The following SH2D4B variants were observed in gnomAD, a reference collection of about 807,000 sequenced individuals.
SH2D4B encodes SH2 domain-containing protein 4B.
A neutral mutation model predicts 61.5 loss-of-function variants in SH2D4B; 45 were observed. That is an observed-to-expected ratio of 0.73 (90% CI 0.58 to 0.94). SH2D4B has a LOEUF of 0.94. Among genes scored for constraint, SH2D4B ranks in the 40% least tolerant of loss-of-function variants. The probability of loss-of-function intolerance (pLI) is 0.00; values close to 1 mark genes in which losing one functional copy is unlikely to be tolerated. For synonymous variants in SH2D4B, 224 were observed against 220.4 expected, an observed-to-expected ratio of 1.02 and a Z score of -0.14; for missense variants, 572 against 574.2, an observed-to-expected ratio of 1.00 and a Z score of 0.04.
chr10:80,592,099 G>A (rs1842335023), intron 4 of SH2D4B, among the ~76,000 whole-genome samples: 1 of 152,284 alleles, frequency 6.6e-6, no homozygotes, highest in African/African-American at 2.4e-5. Context: ...TGTGTGAAGT[G>A]ACATCTCATC....
chr10:80,588,185 C>T (rs981090910), intron 3 of SH2D4B, among the ~76,000 whole-genome samples: 1 of 152,140 alleles, frequency 6.6e-6, no homozygotes, highest in African/African-American at 2.4e-5. Flanking sequence ...ATCTTCATCT[C>T]CCTAACTGAC....
At chr10:80,624,827 C>T (rs1309822622) in intron 6 of SH2D4B, among the ~76,000 whole-genome samples, 1 of 152,158 alleles carries the variant, frequency 6.6e-6, no homozygotes, top group South Asian at 2.1e-4. Flanking sequence ...GAATGAATGC[C>T]ATAGCAGTAA....
intron 6 of SH2D4B, among the ~76,000 whole-genome samples, chr10:80,626,264 T>C (rs1355330722): frequency 6.6e-6 from 1 of 152,198 alleles, no homozygotes; most frequent in Non-Finnish European, 1.5e-5. Flanking sequence ...AAAGGTAGTT[T>C]CGTTAAACAC....
intron 1 of SH2D4B, among the ~76,000 whole-genome samples, chr10:80,560,113 G>A (rs1841885102): frequency 6.9e-6 from 1 of 145,456 alleles, no homozygotes; most frequent in Non-Finnish European, 1.5e-5. Flanking sequence ...TCAGCCTCCC[G>A]AGTAGCTGGG....
intron 3 of SH2D4B, among the ~76,000 whole-genome samples, chr10:80,576,785 C>T (rs541223378): frequency 5.3e-5 from 8 of 152,166 alleles, no homozygotes; most frequent in East Asian, 3.9e-4. Flanking sequence ...TTTTTTAATC[C>T]GAGATGGAGT....
intron 1 of SH2D4B, among the ~76,000 whole-genome samples, chr10:80,543,601 G>C (rs879843597): frequency 1.2e-4 from 18 of 152,200 alleles, no homozygotes; most frequent in Admixed American, 2.0e-4. Context: ...GAGTGCGGGC[G>C]CACCGCGCGG....
At chr10:80,563,362 G>A (rs1347879215) in intron 1 of SH2D4B, among the ~76,000 whole-genome samples, 1 of 152,116 alleles carries the variant, frequency 6.6e-6, no homozygotes, top group Non-Finnish European at 1.5e-5. Flanking sequence ...TTTATCAGAT[G>A]TATGGTTTGC....
At chr10:80,548,204 G>A (rs997962787) in intron 1 of SH2D4B, among the ~76,000 whole-genome samples, 5 of 152,218 alleles carry the variant, frequency 3.3e-5, no homozygotes, top group Admixed American at 6.5e-5. Context: ...TCACTCTGTC[G>A]CCCAGGCTGG....
chr10:80,588,478 T>C (rs1842285577), intron 3 of SH2D4B, 152 bp from the exon 4 acceptor site: 1 of 945,670 alleles, frequency 1.1e-6, no homozygotes, highest in Non-Finnish European at 1.5e-6. Context: ...GAGTACTGGG[T>C]AATTTCAATT....
chr10:80,624,838 T>C lies in SH2D4B; in HGVS notation c.989-9447T>C, dbSNP rs150100546. Reference sequence around the variant, plus strand: ...TTTTGAATGAATGCCATAGCAGTAATGTGTGAGAAGCTGCAGAACAACAAT... The same window carrying C: ...TTTTGAATGAATGCCATAGCAGTAACGTGTGAGAAGCTGCAGAACAACAAT... On this transcript the variant is annotated intron_variant, in intron 6 of 7. Coordinates refer to ENST00000646907, the MANE Select transcript of SH2D4B (RefSeq NM_001388272.1). Among the ~76,000 whole-genome samples, 259 of 152,334 alleles carry C rather than the reference T, an allele frequency of 1.7e-3. 1 individual carries two copies. The highest frequency in any genetic ancestry group is 5.9e-3 in the African/African-American group (246 of 41,580).
chr10:80,629,140 C>T (rs925737060), intron 6 of SH2D4B, among the ~76,000 whole-genome samples: 1 of 152,032 alleles, frequency 6.6e-6, no homozygotes, highest in Non-Finnish European at 1.5e-5. Context: ...GGAAATATGG[C>T]CCTAGCATCT....
chr10:80,571,776 CTT>C (rs11394733), intron 3 of SH2D4B, among the ~76,000 whole-genome samples, 198 bp downstream of exon 3: 2,106 of 135,566 alleles, frequency 0.016, 47 homozygotes, highest in African/African-American at 0.054. Flanking sequence ...TTTTTTTTTT[CTT>C]TTTTTTTTTT....
intron 6 of SH2D4B, among the ~76,000 whole-genome samples, chr10:80,630,187 C>T (rs987671060): frequency 6.6e-6 from 1 of 152,182 alleles, no homozygotes; most frequent in Non-Finnish European, 1.5e-5. Context: ...TGATTGAGAG[C>T]CCCAGAGCAA....
At chr10:80,566,587 C>T (rs973315574) in intron 1 of SH2D4B, among the ~76,000 whole-genome samples, 1 of 152,062 alleles carries the variant, frequency 6.6e-6, no homozygotes, top group Non-Finnish European at 1.5e-5. Context: ...TGAGCCACTG[C>T]GCCCTGCCAA....
At chr10:80,548,935 A>T (rs1340526004) in intron 1 of SH2D4B, among the ~76,000 whole-genome samples, 3 of 152,160 alleles carry the variant, frequency 2.0e-5, no homozygotes, top group African/African-American at 7.2e-5. Flanking sequence ...TTTAGGATAT[A>T]TTGGAGGAAA....
At chr10:80,597,540 C>T (rs976106505) in intron 4 of SH2D4B, among the ~76,000 whole-genome samples, 1 of 152,160 alleles carries the variant, frequency 6.6e-6, no homozygotes, top group African/African-American at 2.4e-5. Context: ...GCGGTGTGCA[C>T]CTGTAATCCT....
chr10:80,588,833 C>T (rs1305000164), intron 4 of SH2D4B, 56 bp downstream of exon 4: 1 of 1,600,120 alleles, frequency 6.2e-7, no homozygotes, highest in South Asian at 1.1e-5. Context: ...CCACCCACCT[C>T]CTCCCAATGC....
chr10:80,541,094 C>T (rs1320472305), intron 1 of SH2D4B, among the ~76,000 whole-genome samples: 1 of 152,198 alleles, frequency 6.6e-6, no homozygotes, highest in African/African-American at 2.4e-5. Context: ...ACGTGTCACA[C>T]CCAGCAGAGT....
Position 80,644,292 on chromosome 10 carries a change from A to T in SH2D4B, c.*207A>T. 3.7e-6 allele frequency: 2 copies of T among 538,046 alleles called. No individual in the cohort carries two copies. Among genetic ancestry groups the T allele is most frequent in the Non-Finnish European group, 6.6e-6 (2 of 303,516 alleles). 33.3% of individuals were successfully genotyped at this position (538,046 alleles called of 1,614,324 possible). On this transcript the variant is annotated 3_prime_UTR_variant, in exon 8 of 8. Transcript: ENST00000646907. ...TCGGGACAGAAATTGCTAATAGCTC[A>T]TGCAACTCTTTCATGAAGAGCTTAG...
Sources: gnomAD v4.1 joint callset for allele counts (sites outside exome capture counted in the v4.1 genomes callset) on GRCh38, gnomAD v4.1.1 for gene constraint, MANE v1.5 for transcripts, NCBI Gene and HGNC (gene_info 2026-07-23, HGNC 2026-07-21) for gene names.